SVOPL: variants seen among roughly 807,000 people sequenced by gnomAD.
The protein encoded by SVOPL is SVOP like, also known as putative transporter SVOPL.
In SVOPL, 60 loss-of-function variants were observed where a neutral mutation model predicts 61.0. The observed-to-expected ratio is 0.98, with a 90% CI of 0.80 to 1.22. The LOEUF is 1.22. Ranked by LOEUF, SVOPL falls within the 50% of genes most tolerant of loss-of-function variation. The probability of loss-of-function intolerance (pLI) is 0.00; values close to 1 mark genes in which losing one functional copy is unlikely to be tolerated. For synonymous variants in SVOPL, 279 were observed against 250.0 expected (o/e 1.12, Z -1.09); for missense variants, 662 against 643.9 (o/e 1.03, Z -0.30).
rs941125267 is a variant in SVOPL, at chr7:138,653,690, C to G, written c.534+2758G>C. On this transcript the variant is annotated intron_variant, in intron 7 of 15. Transcript: ENST00000674285. ...GGCGGCTCAGCCTGTAATCCCAGCA[C>G]TTTGTGAGGCTGAGGTGGGTGGATC... 2.2e-4 allele frequency among the ~76,000 whole-genome samples: 34 copies of G among 152,206 alleles called. 1 individual carries two copies. The highest frequency in any genetic ancestry group is 8.2e-4 in the African/African-American group (34 of 41,534).
intron 14 of SVOPL, among the ~76,000 whole-genome samples, chr7:138,601,387 A>G (rs1489663755): frequency 6.6e-6 from 1 of 152,180 alleles, no homozygotes; most frequent in African/African-American, 2.4e-5. Context: ...ACAGATGAAT[A>G]AAGTGTGATA....
At chr7:138,621,497 G>T (rs1268331527) in intron 13 of SVOPL, among the ~76,000 whole-genome samples, 1 of 152,206 alleles carries the variant, frequency 6.6e-6, no homozygotes, top group African/African-American at 2.4e-5. Flanking sequence ...ATACTCCCCA[G>T]AGATCTGATG....
intron 15 of SVOPL, 85 bp downstream of exon 15, chr7:138,596,332 C>A: frequency 3.8e-6 from 4 of 1,063,224 alleles, no homozygotes; most frequent in Non-Finnish European, 4.1e-6. Flanking sequence ...GTTATTTTAA[C>A]TACAATGATG....
intron 4 of SVOPL, chr7:138,664,352 G>A (rs1802154319): frequency 3.5e-6 from 2 of 573,460 alleles, no homozygotes; most frequent in African/African-American, 2.1e-5. Flanking sequence ...TCCATCGGGC[G>A]TGCGCCTAAC....
At chr7:138,677,199 C>G (rs1022604451) in intron 3 of SVOPL, among the ~76,000 whole-genome samples, 2 of 152,112 alleles carry the variant, frequency 1.3e-5, no homozygotes, top group Non-Finnish European at 2.9e-5. Flanking sequence ...CCACTGCGCC[C>G]GGCCTCCTGC....
chr7:138,610,287 A>AAG (rs910587567), intron 14 of SVOPL, among the ~76,000 whole-genome samples: 4 of 151,974 alleles, frequency 2.6e-5, no homozygotes, highest in Non-Finnish European at 5.9e-5. Context: ...AAAAAAGAAA[A>AAG]AGAGAGAGAG....
chr7:138,683,616 G>A (rs1223914653), intron 1 of SVOPL, among the ~76,000 whole-genome samples: 6 of 151,954 alleles, frequency 3.9e-5, no homozygotes, highest in Admixed American at 6.6e-5. Context: ...TGATCCACCC[G>A]CCTTGGCCTC....
intron 1 of SVOPL, among the ~76,000 whole-genome samples, chr7:138,681,230 A>G (rs1034792955): frequency 6.8e-6 from 1 of 147,984 alleles, no homozygotes; most frequent in Admixed American, 6.8e-5. Flanking sequence ...TATTATTATT[A>G]TATAACATAT....
chr7:138,693,993 C>T (rs1248117027), intron 1 of SVOPL, among the ~76,000 whole-genome samples: 3 of 142,860 alleles, frequency 2.1e-5, no homozygotes. Context: ...CGTACCTTCA[C>T]ATTAAAGGGA....
At chr7:138,683,862 G>C (rs2117129322) in intron 1 of SVOPL, among the ~76,000 whole-genome samples, 1 of 148,616 alleles carries the variant, frequency 6.7e-6, no homozygotes, top group East Asian at 2.1e-4. Context: ...GACCAGTCTG[G>C]CCAACATGGT....
intron 7 of SVOPL, among the ~76,000 whole-genome samples, chr7:138,651,597 T>C (rs1241316466): frequency 6.6e-6 from 1 of 152,224 alleles, no homozygotes; most frequent in East Asian, 1.9e-4. Flanking sequence ...TTAGTAATTC[T>C]CGCAATATTT....
chr7:138,602,317 A>T (rs561419843), intron 14 of SVOPL, among the ~76,000 whole-genome samples: 15 of 152,276 alleles, frequency 9.9e-5, no homozygotes, highest in Non-Finnish European at 2.1e-4. Context: ...CAATGTATTC[A>T]TTGACAAGGT....
chr7:138,598,246 C>T (rs553318507), intron 14 of SVOPL, among the ~76,000 whole-genome samples: 3 of 152,210 alleles, frequency 2.0e-5, no homozygotes, highest in East Asian at 1.9e-4. Context: ...AATAGAGAGA[C>T]ATTACATGAT....
chr7:138,635,797 T>C (rs1800439199), intron 9 of SVOPL, among the ~76,000 whole-genome samples: 1 of 152,104 alleles, frequency 6.6e-6, no homozygotes, highest in South Asian at 2.1e-4. Flanking sequence ...CCTATCAAAA[T>C]GGGTGCCATT....
In SVOPL at chr7:138,649,049, G is replaced by A. The variant is rs918218490; in HGVS notation, c.623C>T (p.Ala208Val). ...GATGAGGATGATGCCCGGGATGGAG[G>A]CGACGCGAATGAGCCAGCGCCACCC... The part of the protein sequence containing the change: ...TIGWRWLIRV[A>V]SIPGIILIVA... Residue 208 changes from alanine to valine, a missense_variant, in exon 8 of 16, where the codon GCC becomes GTC. Coordinates refer to ENST00000674285, the MANE Select transcript of SVOPL (RefSeq NM_001139456.2). The A allele has an allele frequency of 1.9e-6, 3 of 1,613,952 alleles. No individual in the cohort carries two copies. The highest frequency in any genetic ancestry group is 2.2e-5 in the East Asian group (1 of 44,850).
intron 4 of SVOPL, among the ~76,000 whole-genome samples, chr7:138,664,785 C>G (rs1216558057): frequency 7.1e-6 from 1 of 140,010 alleles, no homozygotes; most frequent in East Asian, 2.2e-4. Context: ...CTGCTGCTCA[C>G]CCCCAGCTCT....
At chr7:138,651,557 C>T (rs1239137330) in intron 7 of SVOPL, among the ~76,000 whole-genome samples, 2 of 152,198 alleles carry the variant, frequency 1.3e-5, no homozygotes, top group Non-Finnish European at 2.9e-5. Flanking sequence ...TTCCCAATAG[C>T]ATGTGCTCAC....
chr7:138,623,889 G>C (rs182907957), intron 13 of SVOPL, among the ~76,000 whole-genome samples: 1 of 151,820 alleles, frequency 6.6e-6, no homozygotes, highest in Non-Finnish European at 1.5e-5. Flanking sequence ...GCTCGGTTTC[G>C]ACTCACCGCA....
intron 9 of SVOPL, among the ~76,000 whole-genome samples, chr7:138,630,988 A>T (rs1301492165): frequency 6.6e-6 from 1 of 150,974 alleles, no homozygotes; most frequent in African/African-American, 2.4e-5. Context: ...GAGTTACATG[A>T]TGGCACAGAA....
Sources: allele counts gnomAD v4.1 joint callset (sites outside exome capture counted in the v4.1 genomes callset), GRCh38; gene constraint gnomAD v4.1.1; transcripts MANE v1.5; gene names NCBI Gene and HGNC (gene_info 2026-07-23, HGNC 2026-07-21).